The following GPHN variants were observed in gnomAD, a reference collection of about 807,000 sequenced individuals.
GPHN encodes gephyrin.
A neutral mutation model predicts 95.5 loss-of-function variants in GPHN; 17 were observed. The ratio of observed to expected loss-of-function variants is 0.18; its 90% confidence interval spans 0.12 to 0.27. The LOEUF (loss-of-function observed/expected upper bound fraction) is 0.27. Ranked by LOEUF, GPHN falls within the 10% of genes least tolerant of loss-of-function variation. GPHN has a pLI of 1.00. For synonymous variants in GPHN, 320 were observed against 322.5 expected (o/e 0.99, Z 0.08); for missense variants, 660 against 978.1 (o/e 0.67, Z 4.34).
the GPHN span, among the ~76,000 whole-genome samples, chr14:67,268,726 G>A: frequency 1.6e-4 from 24 of 152,086 alleles, no homozygotes; most frequent in African/African-American, 2.2e-4. Flanking sequence ...GATTTGCCTC[G>A]CTTCTTTACC....
At chr14:67,680,516 T>C in the GPHN span, among the ~76,000 whole-genome samples, 4 of 152,128 alleles carry the variant, frequency 2.6e-5, no homozygotes, top group Non-Finnish European at 4.4e-5. Context: ...CAGGCTGGAG[T>C]GCAGTGGTGT....
intron 12 of GPHN, among the ~76,000 whole-genome samples, chr14:67,094,291 G>T (rs1376116594): frequency 6.6e-6 from 1 of 152,046 alleles, no homozygotes; most frequent in East Asian, 1.9e-4. Flanking sequence ...AGAACTAAAA[G>T]TGTTTTCTGG....
At chr14:67,530,288 A>G in the GPHN span, among the ~76,000 whole-genome samples, 1 of 152,204 alleles carries the variant, frequency 6.6e-6, no homozygotes, top group Non-Finnish European at 1.5e-5. Context: ...AATTATTATC[A>G]TCATTATTTT....
intron 17 of GPHN, among the ~76,000 whole-genome samples, chr14:67,123,412 C>T (rs889392603): frequency 6.6e-6 from 1 of 152,188 alleles, no homozygotes; most frequent in Non-Finnish European, 1.5e-5. Context: ...CAGTGGCTCA[C>T]GCCTGTAATC....
At chr14:66,810,774 T>G (rs2060729262) in intron 3 of GPHN, among the ~76,000 whole-genome samples, 1 of 152,152 alleles carries the variant, frequency 6.6e-6, no homozygotes, top group African/African-American at 2.4e-5. Context: ...TGCTTTCTGT[T>G]CTCATTTCCT....
chr14:66,723,979 GCATA>G lies in GPHN; in HGVS notation c.143+42801_143+42804del, dbSNP rs1267110938. On this transcript the variant is annotated intron_variant, in intron 2 of 22. Transcript: ENST00000478722. ...GAAAAATATCACAAATCTATGTCATGCATACATACACACACACACACACACACAC... is the reference window on the plus strand; with the variant it reads ...GAAAAATATCACAAATCTATGTCATGCATACACACACACACACACACACAC... Among the ~76,000 whole-genome samples the G allele has an allele frequency of 5.2e-3, 740 of 142,486 alleles. 11 individuals carry two copies. The highest frequency in any genetic ancestry group is 0.016 in the African/African-American group (655 of 39,774). The allele number at this position is 142,486 out of a possible 152,430, so 93.5% of individuals were successfully genotyped here.
chr14:66,926,831 G>A (rs1198587263), intron 8 of GPHN, among the ~76,000 whole-genome samples: 1 of 152,076 alleles, frequency 6.6e-6, no homozygotes, highest in Non-Finnish European at 1.5e-5. Flanking sequence ...GATTGCTTTG[G>A]GAAGTATGGA....
At chr14:66,949,175 C>G (rs1184938762) in intron 8 of GPHN, among the ~76,000 whole-genome samples, 1 of 152,138 alleles carries the variant, frequency 6.6e-6, no homozygotes, top group African/African-American at 2.4e-5. Flanking sequence ...ACTTTCACCT[C>G]CTGGGTTCAA....
chr14:66,921,762 A>G (rs1425443583), intron 6 of GPHN, among the ~76,000 whole-genome samples: 1 of 152,298 alleles, frequency 6.6e-6, no homozygotes, highest in East Asian at 1.9e-4. Flanking sequence ...AAGCAAGACT[A>G]AGCAAAAAGA....
At chr14:66,730,765 G>A (rs1390763259) in intron 2 of GPHN, among the ~76,000 whole-genome samples, 4 of 152,096 alleles carry the variant, frequency 2.6e-5, no homozygotes, top group African/African-American at 9.7e-5. Context: ...GTTTAATTTT[G>A]AACATACTAC....
At chr14:67,461,913 G>A in the GPHN span, among the ~76,000 whole-genome samples, 2 of 152,228 alleles carry the variant, frequency 1.3e-5, no homozygotes, top group Non-Finnish European at 2.9e-5. Flanking sequence ...GAAGAGGGCC[G>A]GGCGAGGTTC....
chr14:66,582,836 A>G (rs2061247935), intron 1 of GPHN, among the ~76,000 whole-genome samples: 1 of 152,168 alleles, frequency 6.6e-6, no homozygotes, highest in Non-Finnish European at 1.5e-5. Flanking sequence ...ATAGTGCCGC[A>G]ATAAACATAC....
intron 11 of GPHN, among the ~76,000 whole-genome samples, chr14:67,069,309 C>A (rs1016848956): frequency 6.6e-6 from 1 of 152,152 alleles, no homozygotes; most frequent in Non-Finnish European, 1.5e-5. Context: ...AAGATCATAA[C>A]CCTGAGATAA....
At chr14:66,995,300 T>A (rs974133164) in intron 9 of GPHN, among the ~76,000 whole-genome samples, 1 of 152,168 alleles carries the variant, frequency 6.6e-6, no homozygotes, top group Non-Finnish European at 1.5e-5. Context: ...TAGCTATTTT[T>A]AAAAATCAGT....
chr14:67,490,888 TGG>T, the GPHN span, among the ~76,000 whole-genome samples: 1 of 151,948 alleles, frequency 6.6e-6, no homozygotes. Context: ...AGATATGGGG[TGG>T]GCGTGGAGGG....
chr14:67,312,515 T>G, the GPHN span: 2 of 1,514,312 alleles, frequency 1.3e-6, no homozygotes, highest in Non-Finnish European at 1.8e-6. Context: ...TTTTGCCCTT[T>G]TTATCTTTTA....
chr14:66,556,785 A>T (rs2060021687), intron 1 of GPHN, among the ~76,000 whole-genome samples: 1 of 152,126 alleles, frequency 6.6e-6, no homozygotes. Flanking sequence ...GACTTATTTC[A>T]TTATAATTTT....
chr14:66,962,478 A>G (rs980992822), intron 8 of GPHN, among the ~76,000 whole-genome samples: 11 of 151,700 alleles, frequency 7.3e-5, no homozygotes, highest in Non-Finnish European at 1.6e-4. Context: ...TCATCAATGC[A>G]TTTTTTGAGA....
chr14:67,281,358 AT>A, the GPHN span, among the ~76,000 whole-genome samples: 1 of 152,214 alleles, frequency 6.6e-6, no homozygotes, highest in African/African-American at 2.4e-5. Flanking sequence ...GCCTTCAGAC[AT>A]TTTAATTACA....
Sources: gnomAD v4.1 joint callset for allele counts (sites outside exome capture counted in the v4.1 genomes callset) on GRCh38, gnomAD v4.1.1 for gene constraint, MANE v1.5 for transcripts, NCBI Gene and HGNC (gene_info 2026-07-23, HGNC 2026-07-21) for gene names.